The following RAB22A variants were observed in gnomAD, a reference collection of about 807,000 sequenced individuals.
RAB22A encodes the protein ras-related protein Rab-22A.
RAB22A carries 13 observed loss-of-function variants against 30.2 expected under a neutral mutation model. The ratio of observed to expected loss-of-function variants is 0.43; its 90% CI spans 0.28 to 0.68. RAB22A has a LOEUF of 0.68. Ranked by LOEUF, RAB22A falls within the 30% of genes least tolerant of loss-of-function variation. The probability of loss-of-function intolerance (pLI) is 0.18; values close to 1 mark genes in which losing one functional copy is unlikely to be tolerated. For synonymous variants in RAB22A, 89 were observed against 87.2 expected (o/e 1.02, Z -0.11); for missense variants, 177 against 246.8 (o/e 0.72, Z 1.89).
chr20:58,344,717 C>T (rs1265439654), intron 3 of RAB22A, among the ~76,000 whole-genome samples: 2 of 152,222 alleles, frequency 1.3e-5, no homozygotes, highest in East Asian at 1.9e-4. Context: ...TTATCTAAGA[C>T]ACCATAGATA....
intron 5 of RAB22A, 60 bp from the exon 6 acceptor site, chr20:58,354,095 GT>G: frequency 1.6e-6 from 2 of 1,212,408 alleles, no homozygotes; most frequent in Non-Finnish European, 2.4e-6. Context: ...TACTGGGTAG[GT>G]GGGGGTACAA....
chr20:58,355,809 A>G (rs1185352285), intron 6 of RAB22A, among the ~76,000 whole-genome samples: 1 of 152,150 alleles, frequency 6.6e-6, no homozygotes, highest in Non-Finnish European at 1.5e-5. Context: ...TAGGTGACAG[A>G]GCAAAACCCT....
chr20:58,359,679 A>G lies in RAB22A; in HGVS notation c.561A>G (p.Ser187=), dbSNP rs769500001. Residue 187 remains serine, a synonymous_variant, in exon 7 of 7, where the codon TCA becomes TCG. Coordinates refer to ENST00000244040, the MANE Select transcript of RAB22A (RefSeq NM_020673.3). Reference sequence around the variant, plus strand: ...GCTTCAAACTCCGAAGACAGCCTTCAGAGCCAAAGCGGAGCTGCTGCTGAC... The same window carrying G: ...GCTTCAAACTCCGAAGACAGCCTTCGGAGCCAAAGCGGAGCTGCTGCTGAC... ...GKGFKLRRQP[S]EPKRSCC 1 of 1,612,016 alleles carries G rather than the reference A, an allele frequency of 6.2e-7. No individual in the cohort carries two copies. The highest frequency in any genetic ancestry group is 1.1e-5 in the South Asian group (1 of 91,018).
At position 58,354,199 on chromosome 20, in the gene RAB22A, C is replaced by G; in HGVS notation, c.421C>G (p.His141Asp). ...RDAKDYADSIHAIFVETSAKN... is the reference protein window; with the variant it reads ...RDAKDYADSIDAIFVETSAKN... Reference sequence around the variant, plus strand: ...TGCAAAGGACTACGCCGACTCTATTCATGCAATTTTTGTAGAGACCAGCGC... The same window carrying G: ...TGCAAAGGACTACGCCGACTCTATTGATGCAATTTTTGTAGAGACCAGCGC... Residue 141 changes from histidine (H) to aspartate (D), a missense_variant, in exon 6 of 7, where the codon CAT (histidine) becomes GAT (aspartate). Transcript: ENST00000244040. 2 of 1,613,834 alleles carry G rather than the reference C, an allele frequency of 1.2e-6. No homozygotes were observed. Among genetic ancestry groups the G allele is most frequent in the Middle Eastern group, 1.7e-4 (1 of 6,056 alleles).
chr20:58,337,527 T>C (rs1986778669), intron 2 of RAB22A, among the ~76,000 whole-genome samples: 1 of 152,184 alleles, frequency 6.6e-6, no homozygotes, highest in Non-Finnish European at 1.5e-5. Context: ...GCTCACAGTC[T>C]GTCCATTCTT....
intron 1 of RAB22A, 95 bp downstream of exon 1, chr20:58,310,107 A>G: frequency 1.1e-6 from 1 of 886,464 alleles, no homozygotes; most frequent in African/African-American, 4.4e-5. Context: ...CCCCCCTCCC[A>G]CGTCCAAGAC....
chr20:58,360,564 C>G lies in RAB22A; in HGVS notation c.*861C>G, dbSNP rs146888366. The G allele has an allele frequency of 2.3e-4, 35 of 152,676 alleles. No homozygotes were observed. The highest frequency in any genetic ancestry group is 7.5e-4 in the African/African-American group (31 of 41,534). 9.5% of individuals were successfully genotyped at this position (152,676 alleles called of 1,614,324 possible). A position where few individuals can be genotyped will look rare whatever the true frequency, so the allele number is the denominator to read the frequency against. On this transcript the variant is annotated 3_prime_UTR_variant, in exon 7 of 7. Transcript: ENST00000244040. Reference sequence around the variant, plus strand: ...TATTTTGGTGGGGAAAAGCAAGTATCTATTGCTTAGCATATGTAAAGTTGT... The same window carrying G: ...TATTTTGGTGGGGAAAAGCAAGTATGTATTGCTTAGCATATGTAAAGTTGT...
chr20:58,325,339 T>C (rs1450451483), intron 2 of RAB22A, among the ~76,000 whole-genome samples: 1 of 151,768 alleles, frequency 6.6e-6, no homozygotes, highest in African/African-American at 2.4e-5. Context: ...TAGCTGGGTG[T>C]GGTGGTACAT....
At chr20:58,352,038 AACAG>A (rs1987059211) in intron 3 of RAB22A, among the ~76,000 whole-genome samples, 1 of 152,212 alleles carries the variant, frequency 6.6e-6, no homozygotes, top group African/African-American at 2.4e-5. Context: ...ATATCAGTAA[AACAG>A]ACATGAAAAC....
At chr20:58,348,561 C>T (rs1986989753) in intron 3 of RAB22A, among the ~76,000 whole-genome samples, 1 of 152,120 alleles carries the variant, frequency 6.6e-6, no homozygotes, top group African/African-American at 2.4e-5. Context: ...TAGAAGCAAA[C>T]CCGAAAGTGA....
chr20:58,361,201 A>G lies in RAB22A; in HGVS notation c.*1498A>G, dbSNP rs1031978688. ...AGTATTGTAGGGGAAGGAAATTTAC[A>G]AGATTTAATAGGAAATGAAACAGCT... is the stretch of plus-strand genomic sequence containing the variant. On this transcript the variant is annotated 3_prime_UTR_variant, in exon 7 of 7. Transcript: ENST00000244040. 6.6e-6 allele frequency: 1 copy of G among 152,616 alleles called. No individual in the cohort carries two copies. Among genetic ancestry groups the G allele is most frequent in the Non-Finnish European group, 1.5e-5 (1 of 68,020 alleles). 9.5% of individuals were successfully genotyped at this position (152,616 alleles called of 1,614,324 possible).
At chr20:58,343,150 G>A (rs1986885250) in intron 2 of RAB22A, among the ~76,000 whole-genome samples, 1 of 152,146 alleles carries the variant, frequency 6.6e-6, no homozygotes, top group Non-Finnish European at 1.5e-5. Context: ...AATGCAGGTG[G>A]TCGTCAGGGG....
chr20:58,319,786 G>A (rs758043774), intron 2 of RAB22A, among the ~76,000 whole-genome samples: 18 of 152,112 alleles, frequency 1.2e-4, no homozygotes, highest in South Asian at 4.1e-4. Flanking sequence ...CCATTATCAG[G>A]TTGAAGATGT....
At chr20:58,330,531 G>A (rs140777233) in intron 2 of RAB22A, among the ~76,000 whole-genome samples, 4 of 152,058 alleles carry the variant, frequency 2.6e-5, no homozygotes, top group African/African-American at 4.8e-5. Flanking sequence ...CAGAAGATAC[G>A]CTGCAAAGAT....
intron 2 of RAB22A, among the ~76,000 whole-genome samples, chr20:58,323,650 T>C (rs771388570): frequency 3.3e-5 from 5 of 151,306 alleles, no homozygotes; most frequent in Non-Finnish European, 4.4e-5. Context: ...TTTTTTTCTT[T>C]TAAGAGACAT....
intron 2 of RAB22A, among the ~76,000 whole-genome samples, chr20:58,332,069 A>T (rs1600730430): frequency 6.6e-6 from 1 of 152,210 alleles, no homozygotes; most frequent in South Asian, 2.1e-4. Context: ...TATATCCTTT[A>T]AATGTAATAA....
rs571280607 is a variant in RAB22A at position 58,313,785 on chromosome 20, C to T, written c.116+2663C>T. On this transcript the variant is annotated intron_variant, in intron 2 of 6. Coordinates refer to ENST00000244040, the MANE Select transcript of RAB22A (RefSeq NM_020673.3). ...GTGGGCAAACTGTGGCCTTTTTGCC[C>T]GCCTCCTGCTTTTGTAAATAAAGAG... Among the ~76,000 whole-genome samples the T allele has an allele frequency of 3.9e-5, 6 of 152,204 alleles. No homozygotes were observed. The South Asian group carries it at 8.3e-4, about 21-fold the overall frequency.
chr20:58,320,342 T>G (rs1600724767), intron 2 of RAB22A, among the ~76,000 whole-genome samples: 1 of 152,228 alleles, frequency 6.6e-6, no homozygotes, highest in Non-Finnish European at 1.5e-5. Flanking sequence ...CTTCAAGGAA[T>G]TTGTTCATCG....
intron 3 of RAB22A, among the ~76,000 whole-genome samples, chr20:58,347,851 A>G (rs1986978206): frequency 6.6e-6 from 1 of 152,202 alleles, no homozygotes; most frequent in African/African-American, 2.4e-5. Context: ...GACACAACAC[A>G]TATATTAAAA....
Sources: allele counts gnomAD v4.1 joint callset (sites outside exome capture counted in the v4.1 genomes callset), GRCh38; gene constraint gnomAD v4.1.1; transcripts MANE v1.5; gene names NCBI Gene and HGNC (gene_info 2026-07-23, HGNC 2026-07-21).